The following ZNF385D variants were observed in gnomAD, a reference collection of about 807,000 sequenced individuals.
The protein encoded by ZNF385D is zinc finger protein 659.
A neutral mutation model predicts 35.8 loss-of-function variants in ZNF385D; 15 were observed. The observed-to-expected ratio is 0.42, with a 90% CI of 0.28 to 0.64. The LOEUF is 0.64. Among genes scored for constraint, ZNF385D ranks in the 30% least tolerant of loss-of-function variants. The pLI, the probability that ZNF385D is intolerant of heterozygous loss-of-function variation, is 0.23. For missense variants in ZNF385D, 474 were observed against 494.6 expected (o/e 0.96, Z 0.39); for synonymous variants, 212 against 186.8 (o/e 1.13, Z -1.10).
chr3:22,298,669 G>T (rs1286395285), intron 2 of ZNF385D, among the ~76,000 whole-genome samples: 2 of 147,378 alleles, frequency 1.4e-5, no homozygotes, highest in African/African-American at 2.5e-5. Flanking sequence ...ATATAAATGG[G>T]TATGCCTAAA....
intron 3 of ZNF385D, among the ~76,000 whole-genome samples, chr3:22,009,201 T>C (rs926428682): frequency 6.6e-6 from 1 of 152,132 alleles, no homozygotes; most frequent in Non-Finnish European, 1.5e-5. Flanking sequence ...TAAAATTTTG[T>C]GTAAAAAATG....
intron 3 of ZNF385D, among the ~76,000 whole-genome samples, chr3:21,866,714 G>C (rs1207942408): frequency 2.0e-5 from 3 of 152,148 alleles, no homozygotes; most frequent in Admixed American, 2.0e-4. Flanking sequence ...GGCATAAATA[G>C]TAGCTAGATG....
intron 2 of ZNF385D, among the ~76,000 whole-genome samples, chr3:22,291,745 G>A (rs771855590): frequency 9.9e-5 from 15 of 152,030 alleles, no homozygotes; most frequent in Non-Finnish European, 2.1e-4. Flanking sequence ...ATAATGTGAG[G>A]TTTTATTGCA....
At chr3:22,333,681 C>T (rs1469142783) in intron 2 of ZNF385D, among the ~76,000 whole-genome samples, 2 of 152,024 alleles carry the variant, frequency 1.3e-5, no homozygotes, top group African/African-American at 2.4e-5. Flanking sequence ...TCCGAACTTC[C>T]ACCTTCCTCA....
At chr3:21,857,879 C>A (rs2125823520) in intron 3 of ZNF385D, among the ~76,000 whole-genome samples, 1 of 151,916 alleles carries the variant, frequency 6.6e-6, no homozygotes, top group Non-Finnish European at 1.5e-5. Context: ...CACATAGGGA[C>A]TTAATAAATA....
chr3:21,957,552 T>C lies in ZNF385D; in HGVS notation c.325+211265A>G, dbSNP rs1391534794. Among the ~76,000 whole-genome samples the C allele has an allele frequency of 4.6e-5, 7 of 152,232 alleles. No homozygotes were observed. In the South Asian group the frequency reaches 1.0e-3, roughly 23 times the overall value. ...AGCAAAGGTGACTCTTGTTTTGTTT[T>C]AGCAAAACTCACATGGCACAAGCCT... is the stretch of plus-strand genomic sequence containing the variant. On this transcript the variant is annotated intron_variant, in intron 3 of 5. Transcript: ENST00000494108.
At chr3:21,943,079 G>C (rs571490929) in intron 3 of ZNF385D, among the ~76,000 whole-genome samples, 117 of 152,008 alleles carry the variant, frequency 7.7e-4, no homozygotes, top group Non-Finnish European at 6.8e-4. Flanking sequence ...AGCCAAAAAA[G>C]GTCTTAACTT....
chr3:22,194,928 G>T (rs927181691), intron 2 of ZNF385D, among the ~76,000 whole-genome samples: 1 of 151,688 alleles, frequency 6.6e-6, no homozygotes, highest in African/African-American at 2.4e-5. Flanking sequence ...CAAATTTTTG[G>T]TAATTATAAA....
At chr3:21,540,680 G>A (rs998710569) in intron 3 of ZNF385D, among the ~76,000 whole-genome samples, 1 of 152,134 alleles carries the variant, frequency 6.6e-6, no homozygotes, top group Non-Finnish European at 1.5e-5. Context: ...TTTGCCATAC[G>A]TCAATCTCCA....
intron 3 of ZNF385D, among the ~76,000 whole-genome samples, chr3:22,069,867 T>C (rs1012292192): frequency 6.6e-6 from 1 of 152,208 alleles, no homozygotes; most frequent in African/African-American, 2.4e-5. Flanking sequence ...TACCTTCCTT[T>C]GCTCTATGTC....
chr3:21,785,381 T>C (rs568725548), intron 3 of ZNF385D, among the ~76,000 whole-genome samples: 2 of 152,324 alleles, frequency 1.3e-5, no homozygotes, highest in South Asian at 4.1e-4. Flanking sequence ...ATTTTTTTTG[T>C]GTGTATATAT....
intron 2 of ZNF385D, among the ~76,000 whole-genome samples, chr3:22,169,413 C>A (rs1338933614): frequency 6.6e-6 from 1 of 152,160 alleles, no homozygotes; most frequent in East Asian, 1.9e-4. Flanking sequence ...GATAAGCATT[C>A]AGTTTATCTC....
At chr3:21,665,463 C>T (rs1559501343) in intron 1 of ZNF385D, among the ~76,000 whole-genome samples, 1 of 152,196 alleles carries the variant, frequency 6.6e-6, no homozygotes, top group Non-Finnish European at 1.5e-5. Flanking sequence ...TTTGCTACCA[C>T]ATCCAAAACT....
intron 3 of ZNF385D, among the ~76,000 whole-genome samples, chr3:21,941,142 T>G (rs625615): frequency 0.17 from 26,623 of 152,200 alleles, 3,275 homozygotes; most frequent in East Asian, 0.39. Flanking sequence ...GCACTATTTC[T>G]ATTGTATGGT....
intron 3 of ZNF385D, among the ~76,000 whole-genome samples, chr3:22,023,541 T>G (rs1383094): frequency 0.089 from 13,587 of 152,208 alleles, 1,361 homozygotes; most frequent in African/African-American, 0.25. Flanking sequence ...GTTACAATGC[T>G]TCTTCCCTCT....
intron 3 of ZNF385D, among the ~76,000 whole-genome samples, chr3:21,934,432 A>G (rs114864181): frequency 0.014 from 2,103 of 152,292 alleles, 32 homozygotes; most frequent in Middle Eastern, 0.024. Flanking sequence ...TGCTTTTATA[A>G]TTAGTAGCAA....
intron 2 of ZNF385D, among the ~76,000 whole-genome samples, chr3:22,287,144 G>C (rs1702066583): frequency 6.6e-6 from 1 of 151,746 alleles, no homozygotes; most frequent in South Asian, 2.1e-4. Flanking sequence ...TTTTTCTTTT[G>C]TGACAGTTTT....
At chr3:22,156,989 ACT>A (rs1284421843) in intron 3 of ZNF385D, among the ~76,000 whole-genome samples, 1 of 151,754 alleles carries the variant, frequency 6.6e-6, no homozygotes, top group Non-Finnish European at 1.5e-5. Context: ...CTCTGAAAAA[ACT>A]CTTCAGCACA....
At chr3:21,628,529 G>GA (rs905410487) in intron 2 of ZNF385D, among the ~76,000 whole-genome samples, 13 of 151,730 alleles carry the variant, frequency 8.6e-5, no homozygotes, top group African/African-American at 2.7e-4. Flanking sequence ...TATAAGGTAA[G>GA]AAAAAAAAGG....
Sources: gnomAD v4.1 joint callset for allele counts (sites outside exome capture counted in the v4.1 genomes callset) on GRCh38, gnomAD v4.1.1 for gene constraint, MANE v1.5 for transcripts, NCBI Gene and HGNC (gene_info 2026-07-23, HGNC 2026-07-21) for gene names.